The following MDGA2 variants were observed in gnomAD, a reference collection of about 807,000 sequenced individuals.
MDGA2 encodes the protein MAM domain containing glycosylphosphatidylinositol anchor 2, also known as MAM domain-containing glycosylphosphatidylinositol anchor protein 2.
Under a neutral mutation model 117.8 loss-of-function variants are expected in MDGA2, and 40 were observed. The observed-to-expected ratio is 0.34, with a 90% confidence interval of 0.26 to 0.44. MDGA2 has a LOEUF of 0.44. Among genes scored for constraint, MDGA2 ranks in the 20% least tolerant of loss-of-function variants. The pLI, the probability that MDGA2 is intolerant of heterozygous loss-of-function variation, is 1.00. For missense variants in MDGA2, 1,123 were observed against 1,250.6 expected, an observed-to-expected ratio of 0.90 and a Z score of 1.54; for synonymous variants, 452 against 439.0, an observed-to-expected ratio of 1.03 and a Z score of -0.37.
At chr14:47,308,501 AGT>A (rs1566731933) in intron 1 of MDGA2, among the ~76,000 whole-genome samples, 1 of 89,718 alleles carries the variant, frequency 1.1e-5, no homozygotes, top group East Asian at 4.1e-4. Flanking sequence ...TCTTTCTGTT[AGT>A]TTTTTTTTTT....
chr14:47,223,083 A>T (rs1886358652), intron 2 of MDGA2, among the ~76,000 whole-genome samples: 1 of 152,194 alleles, frequency 6.6e-6, no homozygotes, highest in Non-Finnish European at 1.5e-5. Context: ...AAGAAGCAAA[A>T]GCGGAAACAC....
chr14:47,117,293 C>T (rs1952216), intron 5 of MDGA2, among the ~76,000 whole-genome samples: 78,864 of 151,854 alleles, frequency 0.52, 20,889 homozygotes, highest in African/African-American at 0.64. Flanking sequence ...CTGGAAGCTT[C>T]GTGCAATGCA....
intron 7 of MDGA2, among the ~76,000 whole-genome samples, chr14:47,038,943 C>A (rs2138667015): frequency 6.7e-6 from 1 of 150,094 alleles, no homozygotes; most frequent in Admixed American, 6.6e-5. Context: ...GAGTGAGACT[C>A]CATCTCAAAA....
intron 9 of MDGA2, among the ~76,000 whole-genome samples, chr14:46,938,599 A>AAAAGCC (rs1391168628): frequency 1.3e-5 from 2 of 149,842 alleles, no homozygotes; most frequent in Non-Finnish European, 3.0e-5. Flanking sequence ...GCTATTATGA[A>AAAAGCC]AAAGCCAAAA....
intron 6 of MDGA2, among the ~76,000 whole-genome samples, chr14:47,078,801 A>G (rs1890592377): frequency 6.6e-6 from 1 of 152,150 alleles, no homozygotes; most frequent in Admixed American, 6.5e-5. Flanking sequence ...CAGGCTTGAT[A>G]ACACCTATAA....
In MDGA2 at chr14:46,923,446, C is replaced by T. The variant is rs191459127; in HGVS notation, c.2090-3286G>A. On this transcript the variant is annotated intron_variant, in intron 9 of 16. Coordinates refer to ENST00000399232, the MANE Select transcript of MDGA2 (RefSeq NM_001113498.3). ...ATAAATAATCAAATACAATAAGATC[C>T]GTTACTTTTTTTACTTAGAATCATG... Among the ~76,000 whole-genome samples the T allele has an allele frequency of 1.6e-3, 247 of 151,814 alleles. 2 individuals are homozygous for T. The highest frequency in any genetic ancestry group is 5.7e-3 in the African/African-American group (238 of 41,446).
intron 1 of MDGA2, among the ~76,000 whole-genome samples, chr14:47,616,183 G>A (rs1896945774): frequency 6.6e-6 from 1 of 152,166 alleles, no homozygotes; most frequent in Non-Finnish European, 1.5e-5. Context: ...GGCCATTACT[G>A]TCAAATTTGA....
intron 1 of MDGA2, among the ~76,000 whole-genome samples, chr14:47,448,298 TC>T: frequency 6.6e-6 from 1 of 152,026 alleles, no homozygotes. Flanking sequence ...GCTGCCATGC[TC>T]AACTAATTTT....
intron 2 of MDGA2, among the ~76,000 whole-genome samples, chr14:47,226,286 A>T (rs1263623283): frequency 6.6e-6 from 1 of 152,024 alleles, no homozygotes; most frequent in East Asian, 1.9e-4. Context: ...AGAACAAGGG[A>T]TTCACAAAGT....
At chr14:47,301,330 T>C (rs1889277099) in intron 2 of MDGA2, 81 bp downstream of exon 2, 4 of 1,461,568 alleles carry the variant, frequency 2.7e-6, no homozygotes, top group Admixed American at 2.0e-5. Flanking sequence ...CAGTTTTAGC[T>C]AAATATTCTA....
intron 1 of MDGA2, among the ~76,000 whole-genome samples, chr14:47,667,334 TA>T (rs1799847618): frequency 6.6e-6 from 1 of 152,098 alleles, no homozygotes; most frequent in African/African-American, 2.4e-5. Context: ...CACTCAGGAG[TA>T]AAAGACGGAA....
At chr14:46,856,199 C>A (rs574779979) in intron 14 of MDGA2, among the ~76,000 whole-genome samples, 8 of 152,096 alleles carry the variant, frequency 5.3e-5, no homozygotes, top group Middle Eastern at 3.4e-3. Flanking sequence ...CAGGGAGTTT[C>A]AGAGTCTTAC....
At chr14:47,331,882 T>C (rs1594800650) in intron 1 of MDGA2, among the ~76,000 whole-genome samples, 1 of 152,078 alleles carries the variant, frequency 6.6e-6, no homozygotes, top group Middle Eastern at 3.4e-3. Flanking sequence ...AATTGTCCAC[T>C]TGCATGTTTT....
rs536718552 is a variant in MDGA2 at position 47,537,396 on chromosome 14, G to C, written c.280+137121C>G. On this transcript the variant is annotated intron_variant, in intron 1 of 16. Coordinates refer to ENST00000399232, the MANE Select transcript of MDGA2 (RefSeq NM_001113498.3). ...GGTGCAGCACACCAACATGGCACAT[G>C]TATACATATGTAACAAACCTGCACG... 2.2e-4 allele frequency among the ~76,000 whole-genome samples: 33 copies of C among 151,174 alleles called. No homozygotes were observed. In the South Asian group the frequency reaches 6.3e-3, roughly 29 times the overall value.
intron 3 of MDGA2, among the ~76,000 whole-genome samples, chr14:47,197,627 T>C (rs1233148160): frequency 6.6e-6 from 1 of 152,178 alleles, no homozygotes. Flanking sequence ...AAAAGTACTG[T>C]AGGCTGGGCC....
chr14:46,892,407 G>C (rs1333838974), intron 10 of MDGA2, among the ~76,000 whole-genome samples: 2 of 151,898 alleles, frequency 1.3e-5, no homozygotes, highest in African/African-American at 4.8e-5. Context: ...TACAATCCTA[G>C]AAGAAAAAGG....
intron 8 of MDGA2, among the ~76,000 whole-genome samples, chr14:47,024,218 T>C (rs1211198306): frequency 1.3e-5 from 2 of 152,174 alleles, no homozygotes; most frequent in Non-Finnish European, 2.9e-5. Flanking sequence ...GATTGTAACT[T>C]AGAGCTTCAA....
chr14:47,648,278 T>A lies in MDGA2; in HGVS notation c.280+26239A>T, dbSNP rs144547084. ...CAGTCTGAGACTTAACCTCTTCCTC[T>A]GAATTTTGGGATACTATTAAAGAAG... On this transcript the variant is annotated intron_variant, in intron 1 of 16. Transcript: ENST00000399232. Among the ~76,000 whole-genome samples, 56 of 152,294 alleles carry A rather than the reference T, an allele frequency of 3.7e-4. 1 individual carries two copies. In the East Asian group the frequency reaches 0.011, roughly 29 times the overall value.
chr14:47,570,287 G>A (rs1469294132), intron 1 of MDGA2, among the ~76,000 whole-genome samples: 2 of 151,850 alleles, frequency 1.3e-5, no homozygotes, highest in African/African-American at 2.4e-5. Context: ...ATGTAATTGC[G>A]GTTTTTGCCA....
Sources: gnomAD v4.1 joint callset for allele counts (sites outside exome capture counted in the v4.1 genomes callset) on GRCh38, gnomAD v4.1.1 for gene constraint, MANE v1.5 for transcripts, NCBI Gene and HGNC (gene_info 2026-07-23, HGNC 2026-07-21) for gene names.